NDUFAF6: variants seen among roughly 807,000 people sequenced by gnomAD.
NDUFAF6 encodes NADH:ubiquinone oxidoreductase complex assembly factor 6.
A neutral mutation model predicts 40.8 loss-of-function variants in NDUFAF6; 45 were observed. That is an observed-to-expected ratio of 1.10 (90% CI 0.87 to 1.42). The LOEUF (loss-of-function observed/expected upper bound fraction) is 1.42, where lower values mean the gene tolerates loss of function less well. Ranked by LOEUF, NDUFAF6 falls within the 40% of genes most tolerant of loss-of-function variation. NDUFAF6 has a pLI of 0.00. For missense variants in NDUFAF6, 435 were observed against 418.5 expected (o/e 1.04, Z -0.34); for synonymous variants, 185 against 155.9 (o/e 1.19, Z -1.39).
chr8:94,909,834 A>G (rs1818659047), intron 1 of NDUFAF6, among the ~76,000 whole-genome samples: 3 of 151,268 alleles, frequency 2.0e-5, no homozygotes, highest in South Asian at 4.2e-4. Context: ...ACACACATAT[A>G]TATATATAAA....
intron 1 of NDUFAF6, among the ~76,000 whole-genome samples, chr8:94,913,401 C>CAG (rs1183082951): frequency 7.2e-5 from 11 of 152,234 alleles, no homozygotes; most frequent in African/African-American, 2.7e-4. Context: ...CCACCATTGA[C>CAG]TGATCACACA....
rs1832454565 is a variant in NDUFAF6, at chr8:95,058,455, T to G, written c.*518T>G. 1 of 1,230,666 alleles carries G rather than the reference T, an allele frequency of 8.1e-7. No homozygotes were observed. Among genetic ancestry groups the G allele is most frequent in the Non-Finnish European group, 1.0e-6 (1 of 987,590 alleles). 76.2% of individuals were successfully genotyped at this position (1,230,666 alleles called of 1,614,324 possible). The stretch of plus-strand genomic sequence containing the variant: ...GTGGGCTTTTATCCTTAACGTTTAA[T>G]TTTTACAATCTTGTGTAAAAATTTA... On this transcript the variant is annotated 3_prime_UTR_variant, in exon 9 of 9. Coordinates refer to ENST00000396124, the MANE Select transcript of NDUFAF6 (RefSeq NM_152416.4).
chr8:95,104,650 A>T (rs1387366527), downstream of NDUFAF6, among the ~76,000 whole-genome samples: 1 of 152,210 alleles, frequency 6.6e-6, no homozygotes, highest in Non-Finnish European at 1.5e-5. Flanking sequence ...TAAAAGAGTC[A>T]TGCTTCCTAA....
rs148192747 is a variant in NDUFAF6 at position 95,053,380 on chromosome 8, T to A, written c.873+1150T>A. 1.1e-3 allele frequency among the ~76,000 whole-genome samples: 171 copies of A among 152,268 alleles called. 2 individuals carry two copies. The East Asian group carries it at 0.024, about 21-fold the overall frequency. ...TGTTATTCTGTATCACCCTGTTTAG[T>A]GGTTATCTGATGGATATACCATCAG... is the stretch of plus-strand genomic sequence containing the variant. On this transcript the variant is annotated intron_variant, in intron 8 of 8. Coordinates refer to ENST00000396124, the MANE Select transcript of NDUFAF6 (RefSeq NM_152416.4).
chr8:94,962,427 G>A (rs1823652073), intron 1 of NDUFAF6, among the ~76,000 whole-genome samples: 1 of 152,150 alleles, frequency 6.6e-6, no homozygotes, highest in Admixed American at 6.5e-5. Context: ...CAAGTAGCTA[G>A]GATTACAGGC....
upstream of NDUFAF6, chr8:95,024,978 G>C: frequency 3.1e-6 from 4 of 1,294,732 alleles, no homozygotes; most frequent in Non-Finnish European, 3.9e-6. Context: ...CGCCGACGGC[G>C]GGGGGTCGAA....
chr8:95,020,287 G>A (rs1461192308), upstream of NDUFAF6, among the ~76,000 whole-genome samples: 1 of 152,148 alleles, frequency 6.6e-6, no homozygotes, highest in African/African-American at 2.4e-5. Flanking sequence ...CTGATAATAG[G>A]TTCCTTAAAA....
intron 1 of NDUFAF6, among the ~76,000 whole-genome samples, chr8:94,898,646 T>C (rs1817819139): frequency 6.6e-6 from 1 of 152,256 alleles, no homozygotes; most frequent in Non-Finnish European, 1.5e-5. Flanking sequence ...CTTTCCATAC[T>C]GTGCTCTTTG....
At chr8:95,105,755 C>G (rs903564998), downstream of NDUFAF6, among the ~76,000 whole-genome samples, 1 of 151,894 alleles carries the variant, frequency 6.6e-6, no homozygotes, top group African/African-American at 2.4e-5. Context: ...CCTGCCTTGG[C>G]CTCCCAAATT....
At chr8:95,116,069 C>T (rs1395971563) in intron 5 of NDUFAF6, among the ~76,000 whole-genome samples, 1 of 151,920 alleles carries the variant, frequency 6.6e-6, no homozygotes, top group Non-Finnish European at 1.5e-5. Flanking sequence ...ACCGGGGAGG[C>T]GGAGGTTGCA....
exon 6 of NDUFAF6, chr8:95,116,443 C>G (rs983560130): frequency 1.3e-5 from 2 of 152,080 alleles, no homozygotes; most frequent in African/African-American, 4.8e-5. Flanking sequence ...GCCTCAACCC[C>G]CTGGGCTCAA....
At chr8:94,948,586 C>CG (rs1343726648) in intron 2 of NDUFAF6, among the ~76,000 whole-genome samples, 3 of 152,128 alleles carry the variant, frequency 2.0e-5, no homozygotes, top group African/African-American at 7.2e-5. Context: ...GCAGGGCCTC[C>CG]GGAACTCGGA....
intron 1 of NDUFAF6, among the ~76,000 whole-genome samples, chr8:94,918,751 C>T (rs1265067483): frequency 6.6e-6 from 1 of 152,228 alleles, no homozygotes; most frequent in Non-Finnish European, 1.5e-5. Flanking sequence ...CAATCACACT[C>T]TTCAATTCTG....
chr8:95,045,419 G>T (rs1830624059), intron 4 of NDUFAF6, 126 bp from the exon 5 acceptor site: 2 of 685,456 alleles, frequency 2.9e-6, no homozygotes. Context: ...TTATCTTATT[G>T]TGTACTAAAT....
chr8:94,940,138 G>C, intron 1 of NDUFAF6: 1 of 1,614,208 alleles, frequency 6.2e-7, no homozygotes, highest in Non-Finnish European at 8.5e-7. Flanking sequence ...AACAGGAAAA[G>C]ACTGAAGGGT....
chr8:95,088,804 A>G (rs555516748), intron 2 of NDUFAF6, among the ~76,000 whole-genome samples: 4 of 151,876 alleles, frequency 2.6e-5, no homozygotes, highest in African/African-American at 9.7e-5. Flanking sequence ...TTTGTCACCC[A>G]GACTGGAGTG....
intron 2 of NDUFAF6, among the ~76,000 whole-genome samples, chr8:94,951,815 G>A (rs1291877794): frequency 1.3e-5 from 2 of 152,228 alleles, no homozygotes; most frequent in African/African-American, 2.4e-5. Context: ...TTCCTGGTAT[G>A]CCACTGGTTT....
At chr8:95,051,570 A>T (rs1055928974) in intron 7 of NDUFAF6, among the ~76,000 whole-genome samples, 1 of 152,148 alleles carries the variant, frequency 6.6e-6, no homozygotes, top group African/African-American at 2.4e-5. Flanking sequence ...ACACAGGATG[A>T]TGGGCATCAG....
chr8:95,048,737 C>A (rs1251007771), intron 7 of NDUFAF6, among the ~76,000 whole-genome samples, 179 bp downstream of exon 7: 1 of 152,158 alleles, frequency 6.6e-6, no homozygotes, highest in East Asian at 1.9e-4. Context: ...AAGTCCCTCC[C>A]CCCACCTCAC....
Sources: allele counts gnomAD v4.1 joint callset (sites outside exome capture counted in the v4.1 genomes callset), GRCh38; gene constraint gnomAD v4.1.1; transcripts MANE v1.5; gene names NCBI Gene and HGNC (gene_info 2026-07-23, HGNC 2026-07-21).